Variants in DNAH11 observed in about 807,000 individuals in gnomAD.
DNAH11 encodes axonemal beta dynein heavy chain 11.
Under a neutral mutation model 526.0 loss-of-function variants are expected in DNAH11, and 442 were observed. The ratio of observed to expected loss-of-function variants is 0.84; its 90% confidence interval spans 0.78 to 0.91. DNAH11 has a LOEUF of 0.91. Among genes scored for constraint, DNAH11 ranks in the 40% least tolerant of loss-of-function variants. The pLI is 0.00. For synonymous variants in DNAH11, 2,461 were observed against 1,935.9 expected (o/e 1.27, Z -7.12); for missense variants, 6,989 against 5,448.7 (o/e 1.28, Z -8.90).
At position 21,615,202 on chromosome 7, in the gene DNAH11, A is replaced by G; in HGVS notation, c.3941A>G (p.Lys1314Arg). 6.2e-7 allele frequency: 1 copy of G among 1,613,600 alleles called. No individual in the cohort carries two copies. The highest frequency in any genetic ancestry group is 8.5e-7 in the Non-Finnish European group (1 of 1,179,656). ...RLFEVALPEY[K>R]QMKQCRKEIK... ...TTTGAAGTGGCTCTTCCAGAGTACAAACAAATGAAACAGTGTCGCAAAGAA... is the reference window on the plus strand; with the variant it reads ...TTTGAAGTGGCTCTTCCAGAGTACAGACAAATGAAACAGTGTCGCAAAGAA... Residue 1314 changes from lysine (K) to arginine (R), a missense_variant, in exon 21 of 82, where the codon AAA becomes AGA. Physicochemically the swap from Lys to Arg is conservative, Grantham distance 26. Transcript: ENST00000409508.
intron 44 of DNAH11, among the ~76,000 whole-genome samples, chr7:21,723,204 A>G (rs1408833071): frequency 6.6e-6 from 1 of 152,230 alleles, no homozygotes; most frequent in South Asian, 2.1e-4. Context: ...GTGTCAGGGA[A>G]TGTGCTTAGA....
At chr7:21,789,541 C>T (rs1290603148) in intron 61 of DNAH11, among the ~76,000 whole-genome samples, 199 bp downstream of exon 61, 1 of 151,972 alleles carries the variant, frequency 6.6e-6, no homozygotes, top group East Asian at 1.9e-4. Flanking sequence ...TGGGAAAGTG[C>T]AAATGTTCAT....
intron 61 of DNAH11, among the ~76,000 whole-genome samples, chr7:21,789,792 TCTTTCTTTCTTTCTTTTTTC>T (rs1396924984): frequency 8.3e-5 from 7 of 84,260 alleles, no homozygotes; most frequent in Admixed American, 4.5e-4. Context: ...TTTCTTTCTT[TCTTTCTTTCTTTCTTTTTTC>T]TTTCTTTCTT....
At position 21,658,806 on chromosome 7, in the gene DNAH11, A is replaced by G. The variant is rs748596773; in HGVS notation, c.5103A>G (p.Thr1701=). 13 of 1,577,356 alleles carry G rather than the reference A, an allele frequency of 8.2e-6. No homozygotes were observed. In the East Asian group the frequency reaches 1.1e-4, roughly 14 times the overall value. Residue 1701 remains threonine (T), a synonymous_variant, in exon 30 of 82, where the codon ACA becomes ACG. Transcript: ENST00000409508. The stretch of plus-strand genomic sequence containing the variant: ...TCAACTTGCTTCCAAAGGTGGAAAC[A>G]TGGCTTCTGCAACTTGAACAGACTA... ...AECECVGHVE[T]WLLQLEQTMQ...
intron 30 of DNAH11, among the ~76,000 whole-genome samples, chr7:21,664,051 A>G (rs1451204912): frequency 6.6e-6 from 1 of 151,922 alleles, no homozygotes; most frequent in Non-Finnish European, 1.5e-5. Context: ...CCAACAGTGT[A>G]CAAGGATTCC....
At chr7:21,543,655 C>T (rs886152488) in intron 1 of DNAH11, 59 bp downstream of exon 1, 30 of 1,502,394 alleles carry the variant, frequency 2.0e-5, no homozygotes, top group Non-Finnish European at 2.5e-5. Flanking sequence ...GGGGAGACAG[C>T]CCAGTCGCTC....
Position 21,854,410 on chromosome 7 carries a change from T to A in DNAH11, c.11157T>A (p.Ile3719=), listed in dbSNP as rs1379060951. The change falls in exon 68 of 82, where the codon ATT becomes ATA. Residue 3719 remains isoleucine (I), a synonymous_variant. Coordinates refer to ENST00000409508, the MANE Select transcript of DNAH11 (RefSeq NM_001277115.2). ...AARASLLYFV[I]NDLQKINPLY... ...GAGCATCTCTTCTTTATTTTGTTAT[T>A]AATGACCTCCAAAAAATCAACCCCC... is the stretch of plus-strand genomic sequence containing the variant. 56 of 1,613,766 alleles carry A rather than the reference T, an allele frequency of 3.5e-5. No homozygotes were observed. The highest frequency in any genetic ancestry group is 4.7e-5 in the Non-Finnish European group (56 of 1,179,852).
chr7:21,707,857 T>A (rs1203200273), intron 40 of DNAH11, 22 bp downstream of exon 40: 3 of 1,546,502 alleles, frequency 1.9e-6, no homozygotes, highest in Admixed American at 2.1e-5. Context: ...CCTTTAGAAG[T>A]GCTCAATTTT....
intron 62 of DNAH11, among the ~76,000 whole-genome samples, chr7:21,803,489 C>T (rs971024239): frequency 6.6e-6 from 1 of 152,086 alleles, no homozygotes; most frequent in Non-Finnish European, 1.5e-5. Flanking sequence ...GGGGTTTTCT[C>T]CTTTTATGAG....
At chr7:21,573,161 T>C (rs1297156129) in intron 8 of DNAH11, among the ~76,000 whole-genome samples, 1 of 152,230 alleles carries the variant, frequency 6.6e-6, no homozygotes. Context: ...CGTCACTACC[T>C]TGGCCATGCC....
chr7:21,886,722 A>C (rs928222161), intron 76 of DNAH11, among the ~76,000 whole-genome samples: 18 of 152,286 alleles, frequency 1.2e-4, no homozygotes, highest in African/African-American at 2.4e-5. Flanking sequence ...GCAGCAGTCC[A>C]TTAACCTTCA....
At chr7:21,613,315 TAAAA>T (rs904254977) in intron 20 of DNAH11, among the ~76,000 whole-genome samples, 3 of 150,314 alleles carry the variant, frequency 2.0e-5, no homozygotes, top group African/African-American at 7.3e-5. Context: ...GATTATTAAA[TAAAA>T]AGGTAGGTTT....
intron 65 of DNAH11, among the ~76,000 whole-genome samples, chr7:21,821,015 A>G (rs1790029168): frequency 6.6e-6 from 1 of 152,212 alleles, no homozygotes. Flanking sequence ...TTAGGCAGTG[A>G]CAGTGGAAAG....
At chr7:21,789,823 TCTTTCTTTCTTTC>T (rs1788384390) in intron 61 of DNAH11, among the ~76,000 whole-genome samples, 2 of 116,698 alleles carry the variant, frequency 1.7e-5, no homozygotes, top group African/African-American at 6.1e-5. Flanking sequence ...TTTCTTTCTT[TCTTTCTTTCTTTC>T]TTTCTTTCTT....
chr7:21,728,083 A>G (rs1294048897), intron 45 of DNAH11, among the ~76,000 whole-genome samples: 1 of 152,002 alleles, frequency 6.6e-6, no homozygotes, highest in Non-Finnish European at 1.5e-5. Flanking sequence ...ATTCCCAAAT[A>G]CAGCCACATT....
intron 30 of DNAH11, among the ~76,000 whole-genome samples, chr7:21,668,405 A>G (rs1036891264): frequency 1.3e-5 from 2 of 152,210 alleles, no homozygotes; most frequent in African/African-American, 4.8e-5. Context: ...CCCTAAATCC[A>G]GAATGTTTCT....
At chr7:21,769,387 G>A (rs1787324336) in intron 55 of DNAH11, among the ~76,000 whole-genome samples, 1 of 152,064 alleles carries the variant, frequency 6.6e-6, no homozygotes, top group South Asian at 2.1e-4. Flanking sequence ...TTTTCTCTAG[G>A]TGCTGACCTT....
chr7:21,574,564 C>CTTCCTTTTTTT (rs1554313104), intron 8 of DNAH11, among the ~76,000 whole-genome samples: 2 of 123,838 alleles, frequency 1.6e-5, no homozygotes, highest in African/African-American at 6.4e-5. Flanking sequence ...CCCTTCCTTC[C>CTTCCTTTTTTT]TTTTTTTTTT....
In DNAH11 at chr7:21,636,060, G is replaced by T. The variant is rs964011790; in HGVS notation, c.4690G>T (p.Ala1564Ser). 2 of 1,613,118 alleles carry T rather than the reference G, an allele frequency of 1.2e-6. No individual in the cohort carries two copies. Among genetic ancestry groups the T allele is most frequent in the Non-Finnish European group, 1.7e-6 (2 of 1,179,480 alleles). The change falls in exon 26 of 82, where the codon GCT becomes TCT. Residue 1564 changes from alanine to serine, a missense_variant. Physicochemically the swap from Ala to Ser is moderately conservative, Grantham distance 99 (BLOSUM62 1). Coordinates refer to ENST00000409508, the MANE Select transcript of DNAH11 (RefSeq NM_001277115.2). ...TATTCGAATCCAGCTTGTGAAAGATGCTAGAAGATTTGATGGGGTGGATGC... is the reference window on the plus strand; with the variant it reads ...TATTCGAATCCAGCTTGTGAAAGATTCTAGAAGATTTGATGGGGTGGATGC... ...EDIRIQLVKD[A>S]RRFDGVDAEF... is the part of the protein sequence containing the mutation.
Sources: gnomAD v4.1 joint callset for allele counts (sites outside exome capture counted in the v4.1 genomes callset) on GRCh38, gnomAD v4.1.1 for gene constraint, MANE v1.5 for transcripts, NCBI Gene and HGNC (gene_info 2026-07-23, HGNC 2026-07-21) for gene names.